The following TMEM132B variants were observed in gnomAD, a reference collection of about 807,000 sequenced individuals.
The protein encoded by TMEM132B is transmembrane protein 132B.
In TMEM132B, 18 loss-of-function variants were observed where a neutral mutation model predicts 90.8. The ratio of observed to expected loss-of-function variants is 0.20; its 90% CI spans 0.14 to 0.29. TMEM132B has a LOEUF of 0.29. Ranked by LOEUF, TMEM132B falls within the 10% of genes least tolerant of loss-of-function variation. The pLI, the probability that TMEM132B is intolerant of heterozygous loss-of-function variation, is 1.00. For missense variants in TMEM132B, 1,096 were observed against 1,326.8 expected (o/e 0.83, Z 2.70); for synonymous variants, 504 against 523.3 (o/e 0.96, Z 0.50).
At chr12:125,637,708 A>G (rs776290483) in intron 5 of TMEM132B, among the ~76,000 whole-genome samples, 1 of 152,214 alleles carries the variant, frequency 6.6e-6, no homozygotes, top group Non-Finnish European at 1.5e-5. Flanking sequence ...ACAAGTAACA[A>G]TAAGGATGAC....
At chr12:125,645,774 T>C (rs1886750423) in intron 6 of TMEM132B, among the ~76,000 whole-genome samples, 1 of 152,184 alleles carries the variant, frequency 6.6e-6, no homozygotes, top group South Asian at 2.1e-4. Flanking sequence ...GGTGTGGGCA[T>C]TGCTTTAAAC....
intron 1 of TMEM132B, among the ~76,000 whole-genome samples, chr12:125,289,722 G>C (rs559495597): frequency 6.6e-6 from 1 of 152,216 alleles, no homozygotes; most frequent in African/African-American, 2.4e-5. Context: ...AGAGTCTGAG[G>C]CACAGAGACA....
chr12:125,641,762 T>C (rs1048400028), intron 5 of TMEM132B, among the ~76,000 whole-genome samples: 1 of 151,750 alleles, frequency 6.6e-6, no homozygotes, highest in African/African-American at 2.4e-5. Context: ...TGGTGTGTTC[T>C]CTCCAGTGGG....
chr12:125,619,069 T>G (rs1310444624), intron 5 of TMEM132B, among the ~76,000 whole-genome samples: 1 of 152,180 alleles, frequency 6.6e-6, no homozygotes, highest in Non-Finnish European at 1.5e-5. Context: ...AGTTTTTGAT[T>G]GAGTTATCTC....
rs1042865351 is a variant in TMEM132B at position 125,407,478 on chromosome 12, T to C, written c.960-8053T>C. 6.6e-6 allele frequency among the ~76,000 whole-genome samples: 1 copy of C among 152,164 alleles called. No homozygotes were observed. The highest frequency in any genetic ancestry group is 2.1e-4 in the South Asian group (1 of 4,826). ...TGGATGCTATGGGCTGGGAAAGACATATGGGGAGTGAGATGGAGAAGGTGT... is the reference window on the plus strand; with the variant it reads ...TGGATGCTATGGGCTGGGAAAGACACATGGGGAGTGAGATGGAGAAGGTGT... On this transcript the variant is annotated intron_variant, in intron 2 of 8. Transcript: ENST00000682704. The surrounding 1 kb of genome is among the most constrained non-coding windows in gnomAD (Gnocchi z 6.7).
intron 2 of TMEM132B, among the ~76,000 whole-genome samples, chr12:125,405,638 G>C (rs1471005225): frequency 6.6e-6 from 1 of 152,120 alleles, no homozygotes; most frequent in Non-Finnish European, 1.5e-5. Flanking sequence ...GGCAGGCTCA[G>C]AAATGAGGAC....
chr12:125,360,251 C>T (rs186883865), intron 2 of TMEM132B, among the ~76,000 whole-genome samples: 54 of 152,256 alleles, frequency 3.5e-4, no homozygotes, highest in Non-Finnish European at 6.5e-4. Context: ...TAATCTATAA[C>T]CCGATTTACT....
intron 1 of TMEM132B, among the ~76,000 whole-genome samples, chr12:125,338,219 A>G (rs1201608656): frequency 1.3e-5 from 2 of 152,196 alleles, no homozygotes; most frequent in Admixed American, 6.5e-5. Context: ...AAGTAACAGA[A>G]GCCCTGGCCA....
At chr12:125,651,649 T>G (rs1483142718) in intron 7 of TMEM132B, among the ~76,000 whole-genome samples, 1 of 152,162 alleles carries the variant, frequency 6.6e-6, no homozygotes, top group Non-Finnish European at 1.5e-5. Context: ...AAACACCCGT[T>G]AGTCAGCTAA....
intron 1 of TMEM132B, among the ~76,000 whole-genome samples, chr12:125,249,484 G>A (rs1874272169): frequency 6.6e-6 from 1 of 152,156 alleles, no homozygotes; most frequent in Non-Finnish European, 1.5e-5. Context: ...ATTAGTTTGC[G>A]GTGGGACATA....
At chr12:125,312,397 C>G (rs1334549866) in intron 1 of TMEM132B, among the ~76,000 whole-genome samples, 1 of 152,236 alleles carries the variant, frequency 6.6e-6, no homozygotes, top group Non-Finnish European at 1.5e-5. Flanking sequence ...TGGTACATGT[C>G]TTGCTCTGGA....
intron 3 of TMEM132B, among the ~76,000 whole-genome samples, chr12:125,478,311 C>A (rs1484511755): frequency 3.9e-5 from 6 of 152,196 alleles, no homozygotes; most frequent in Non-Finnish European, 8.8e-5. Context: ...TAATAACAAA[C>A]TTCTCTGAGC....
intron 3 of TMEM132B, among the ~76,000 whole-genome samples, chr12:125,451,630 GT>G (rs34121565): frequency 0.42 from 60,672 of 145,164 alleles, 12,946 homozygotes; most frequent in East Asian, 0.58. Context: ...GTGGTCTACT[GT>G]TTTTTTTTTT....
rs181430992 is a variant in TMEM132B, at chr12:125,226,111, T to C, written c.67+39245T>C. Among the ~76,000 whole-genome samples the C allele has an allele frequency of 1.2e-4, 19 of 152,378 alleles. No homozygotes were observed. In the East Asian group the frequency reaches 3.5e-3, roughly 28 times the overall value. The stretch of plus-strand genomic sequence containing the variant: ...TACCTCTTTGTGGGCTAGTTTCAAG[T>C]ATACCTGTTTGGTTTTCATTTAAAT... On this transcript the variant is annotated intron_variant, in intron 1 of 8. Coordinates refer to ENST00000682704, the MANE Select transcript of TMEM132B (RefSeq NM_001366854.1).
chr12:125,342,622 T>A (rs1419738639), intron 1 of TMEM132B, among the ~76,000 whole-genome samples: 1 of 152,208 alleles, frequency 6.6e-6, no homozygotes, highest in Non-Finnish European at 1.5e-5. Context: ...CTGATTCCTT[T>A]CCACTTCCTC....
chr12:125,243,052 CAT>C (rs1312269325), intron 1 of TMEM132B, among the ~76,000 whole-genome samples: 72 of 139,774 alleles, frequency 5.2e-4, no homozygotes, highest in African/African-American at 4.7e-4. Context: ...CACACACACA[CAT>C]ACATATATAC....
intron 5 of TMEM132B, chr12:125,584,305 A>C: frequency 3.1e-6 from 1 of 321,810 alleles, no homozygotes; most frequent in Non-Finnish European, 5.9e-6. Flanking sequence ...GTAAGACAAT[A>C]TTTTCCTAAC....
intron 1 of TMEM132B, among the ~76,000 whole-genome samples, chr12:125,235,228 A>AGAGT (rs1873907837): frequency 6.6e-6 from 1 of 152,346 alleles, no homozygotes; most frequent in Non-Finnish European, 1.5e-5. Flanking sequence ...AAATAAAGAC[A>AGAGT]GAGTCCACAA....
chr12:125,190,608 GTGA>G (rs1237085492), intron 1 of TMEM132B, among the ~76,000 whole-genome samples: 1 of 110,110 alleles, frequency 9.1e-6, no homozygotes, highest in Non-Finnish European at 1.8e-5. Context: ...GGAAGGGGTG[GTGA>G]TGGTGATAGT....
Sources: gnomAD v4.1 joint callset for allele counts (sites outside exome capture counted in the v4.1 genomes callset) on GRCh38, gnomAD v4.1.1 for gene constraint, Gnocchi (gnomAD v3.1) non-coding constraint, MANE v1.5 for transcripts, NCBI Gene and HGNC (gene_info 2026-07-23, HGNC 2026-07-21) for gene names.